Variants in REPS2 observed in about 807,000 individuals in gnomAD.
REPS2 encodes ralBP1-associated Eps domain-containing protein 2.
Under a neutral mutation model 53.6 loss-of-function variants are expected in REPS2, and 23 were observed. The observed-to-expected ratio is 0.43, with a 90% CI of 0.31 to 0.61. The LOEUF is 0.61. Ranked by LOEUF, REPS2 falls within the 20% of genes least tolerant of loss-of-function variation. The pLI, the probability that REPS2 is intolerant of heterozygous loss-of-function variation, is 0.11. For missense variants in REPS2, 446 were observed against 534.9 expected (o/e 0.83, Z 1.64); for synonymous variants, 238 against 218.6 (o/e 1.09, Z -0.78).
At chrX:17,130,584 C>G (rs1299248204) in intron 14 of REPS2, among the ~76,000 whole-genome samples, 2 of 111,973 alleles carry the variant, frequency 1.8e-5, no homozygotes, top group African/African-American at 6.5e-5. Context: ...TTGGCTTTGT[C>G]ACTTCCCTGT....
chrX:17,099,246 CT>C (rs767321557), intron 13 of REPS2, among the ~76,000 whole-genome samples: 7 of 111,197 alleles, frequency 6.3e-5, no homozygotes, highest in East Asian at 5.7e-4. Context: ...GTTTTCTGTT[CT>C]TTGCATTGCT....
intron 17 of REPS2, among the ~76,000 whole-genome samples, chrX:17,143,152 G>A (rs1036839166): frequency 1.9e-4 from 21 of 111,616 alleles, no homozygotes; most frequent in African/African-American, 6.5e-4. Context: ...TGGCTATCAG[G>A]GGTTATGCAT....
chrX:17,159,360 T>A, the REPS2 span, among the ~76,000 whole-genome samples: 2 of 111,832 alleles, frequency 1.8e-5, no homozygotes, highest in Admixed American at 1.9e-4. Flanking sequence ...TCTTTCCTTC[T>A]TCCAAGCACC....
chrX:16,969,700 CAGAGGGAGACCGTGGAAAGAGAGGG>C (rs1227623140), intron 1 of REPS2, among the ~76,000 whole-genome samples: 3 of 104,229 alleles, frequency 2.9e-5, no homozygotes, highest in Non-Finnish European at 5.8e-5. Context: ...CCCACGGCAT[CAGAGGGAGACCGTGGAAAGAGAGGG>C]AGAGGGAGAC....
intron 11 of REPS2, among the ~76,000 whole-genome samples, chrX:17,073,858 T>G (rs2147984715): frequency 9.3e-6 from 1 of 108,037 alleles, no homozygotes; most frequent in African/African-American, 3.4e-5. Flanking sequence ...TCTTCATTAA[T>G]TAACTTGGAT....
At chrX:17,066,727 G>A in intron 9 of REPS2, among the ~76,000 whole-genome samples, 1 of 112,059 alleles carries the variant, frequency 8.9e-6, no homozygotes. Flanking sequence ...CAAAAAATTA[G>A]CCGGGCGTGG....
At chrX:17,008,754 C>G (rs986746096) in intron 2 of REPS2, among the ~76,000 whole-genome samples, 4 of 111,756 alleles carry the variant, frequency 3.6e-5, no homozygotes, top group Non-Finnish European at 7.5e-5. Context: ...AAAGGGATCA[C>G]TCTGTGAGAA....
At chrX:17,131,251 A>T (rs1485421772) in intron 14 of REPS2, among the ~76,000 whole-genome samples, 1 of 111,819 alleles carries the variant, frequency 8.9e-6, no homozygotes, top group African/African-American at 3.3e-5. Flanking sequence ...GAATGACTAC[A>T]GTTAGGAGAT....
In REPS2 at chrX:17,118,494, G is replaced by A. The variant is rs1362643154; in HGVS notation, c.1578+14715G>A. ...CATCTGTCATTGCATATCATTTTAT[G>A]TAAGGGGAAGTTGAGATTCAGAGAG... On this transcript the variant is annotated intron_variant, in intron 14 of 17. Transcript: ENST00000357277. 3.6e-5 allele frequency among the ~76,000 whole-genome samples: 4 copies of A among 111,589 alleles called. No homozygotes were observed. In the East Asian group the frequency reaches 1.1e-3, roughly 31 times the overall value.
rs1479806752 is a variant in REPS2, at chrX:17,111,395, A to G, written c.1578+7616A>G. The stretch of plus-strand genomic sequence containing the variant: ...ATACGAATTTAATATGTATCAAGAT[A>G]GTTTCTATTCATGCATGTATTAGAA... On this transcript the variant is annotated intron_variant, in intron 14 of 17. Transcript: ENST00000357277. Among the ~76,000 whole-genome samples, 7 of 112,525 alleles carry G rather than the reference A, an allele frequency of 6.2e-5. No homozygotes were observed. In the East Asian group the frequency reaches 1.9e-3, roughly 31 times the overall value.
intron 1 of REPS2, among the ~76,000 whole-genome samples, chrX:16,999,736 A>G (rs2061277773): frequency 8.9e-6 from 1 of 111,900 alleles, no homozygotes; most frequent in South Asian, 3.7e-4. Flanking sequence ...GAATTATAAT[A>G]CCTTTTCTTT....
At chrX:17,167,599 TGG>T in the REPS2 span, among the ~76,000 whole-genome samples, 4 of 106,862 alleles carry the variant, frequency 3.7e-5, no homozygotes, top group African/African-American at 1.4e-4. Flanking sequence ...TTCTCAAGAC[TGG>T]GGGGAGCGGG....
At chrX:17,030,192 A>C (rs2061690003) in intron 5 of REPS2, among the ~76,000 whole-genome samples, 1 of 112,061 alleles carries the variant, frequency 8.9e-6, no homozygotes, top group South Asian at 3.7e-4. Context: ...AGACAATTTC[A>C]GCTTCCCTTT....
At chrX:17,186,430 G>T in the REPS2 span, among the ~76,000 whole-genome samples, 1 of 112,250 alleles carries the variant, frequency 8.9e-6, no homozygotes, top group Non-Finnish European at 1.9e-5. Flanking sequence ...CCTCTCTTGA[G>T]GTGAGTGCCA....
Position 17,047,464 on chromosome X carries a change from C to A in REPS2, c.889C>A (p.Pro297Thr), listed in dbSNP as rs765596585. ...TCAGTTCCGATCCCTTCAGCCAGAC[C>A]CAAGCTCTTTCATTTCAGGTAAGAA... ...VNQFRSLQPD[P>T]SSFISGSVAK... Residue 297 changes from proline (P) to threonine (T), a missense_variant, in exon 6 of 18, where the codon CCA becomes ACA. By Grantham distance (38) the Pro-to-Thr change is conservative. Coordinates refer to ENST00000357277, the MANE Select transcript of REPS2 (RefSeq NM_004726.3). 2 of 1,209,477 alleles carry A rather than the reference C, an allele frequency of 1.7e-6. No individual in the cohort carries two copies. Among genetic ancestry groups the A allele is most frequent in the Admixed American group, 4.4e-5 (2 of 45,542 alleles).
chrX:17,103,215 C>T lies in REPS2; in HGVS notation c.1517-503C>T, dbSNP rs1001887547. 4.4e-4 allele frequency among the ~76,000 whole-genome samples: 49 copies of T among 111,814 alleles called. 1 individual carries two copies. Among genetic ancestry groups the T allele is most frequent in the African/African-American group, 1.6e-3 (48 of 30,798 alleles). ...CATTTCAGTCTATCACTGTCAGCCT[C>T]CCTCACTGCTTTCAGATCCATTCCC... On this transcript the variant is annotated intron_variant, in intron 13 of 17. Coordinates refer to ENST00000357277, the MANE Select transcript of REPS2 (RefSeq NM_004726.3).
intron 2 of REPS2, among the ~76,000 whole-genome samples, chrX:17,013,537 A>G (rs2061453832): frequency 9.0e-6 from 1 of 110,938 alleles, no homozygotes; most frequent in Admixed American, 9.6e-5. Flanking sequence ...TTTGAGTGTG[A>G]CAACCAGTTT....
At chrX:17,051,398 A>G (rs1192546951) in intron 6 of REPS2, among the ~76,000 whole-genome samples, 1 of 111,903 alleles carries the variant, frequency 8.9e-6, no homozygotes, top group African/African-American at 3.3e-5. Context: ...GCTGGGTCAT[A>G]TGGTAGCTCT....
chrX:16,983,651 C>G (rs1314040583), intron 1 of REPS2, among the ~76,000 whole-genome samples: 1 of 112,016 alleles, frequency 8.9e-6, no homozygotes. Context: ...TACAGGCATG[C>G]GCCACCATGC....
Sources: allele counts gnomAD v4.1 joint callset (sites outside exome capture counted in the v4.1 genomes callset), GRCh38; gene constraint gnomAD v4.1.1; transcripts MANE v1.5; gene names NCBI Gene and HGNC (gene_info 2026-07-23, HGNC 2026-07-21).